NCAPD3: variants seen among roughly 807,000 people sequenced by gnomAD.
NCAPD3 encodes condensin-2 complex subunit D3.
Under a neutral mutation model 182.9 loss-of-function variants are expected in NCAPD3, and 105 were observed. The observed-to-expected ratio is 0.57, with a 90% CI of 0.49 to 0.68. NCAPD3 has a LOEUF of 0.68. Ranked by LOEUF, NCAPD3 falls within the 30% of genes least tolerant of loss-of-function variation. The pLI is 0.00. For missense variants in NCAPD3, 1,944 were observed against 1,837.0 expected (o/e 1.06, Z -1.07); for synonymous variants, 815 against 679.9 (o/e 1.20, Z -3.09).
chr11:134,195,309 G>T (rs541204724), intron 13 of NCAPD3, among the ~76,000 whole-genome samples: 1 of 152,044 alleles, frequency 6.6e-6, no homozygotes, highest in Non-Finnish European at 1.5e-5. Flanking sequence ...GTGTTGCTCA[G>T]GCTGGTCTCG....
chr11:134,188,017 T>C (rs1445801626), intron 16 of NCAPD3, among the ~76,000 whole-genome samples: 1 of 152,208 alleles, frequency 6.6e-6, no homozygotes, highest in East Asian at 1.9e-4. Flanking sequence ...GGGTCGGCCC[T>C]AACCCAAGCT....
chr11:134,171,978 G>A (rs11223719), intron 24 of NCAPD3, among the ~76,000 whole-genome samples: 3,351 of 152,222 alleles, frequency 0.022, 63 homozygotes, highest in Non-Finnish European at 0.031. Flanking sequence ...TCCTTTTCTA[G>A]GGATGCGGAA....
intron 25 of NCAPD3, 104 bp downstream of exon 25, chr11:134,168,813 G>T: frequency 6.9e-7 from 1 of 1,455,932 alleles, no homozygotes. Flanking sequence ...AAAGACCTGG[G>T]GCAGGGTCTG....
intron 24 of NCAPD3, among the ~76,000 whole-genome samples, chr11:134,175,078 A>G (rs1944127159): frequency 6.6e-6 from 1 of 152,232 alleles, no homozygotes; most frequent in African/African-American, 2.4e-5. Flanking sequence ...TACACGGTAA[A>G]GTATATCTAT....
rs1302772459 is a variant in NCAPD3, at chr11:134,181,202, T to A, written c.2452-18A>T. The A allele has an allele frequency of 1.9e-6, 3 of 1,584,108 alleles. No homozygotes were observed. Among genetic ancestry groups the A allele is most frequent in the Middle Eastern group, 1.7e-4 (1 of 6,028 alleles). On this transcript the variant is annotated intron_variant, in intron 19 of 34. Coordinates refer to ENST00000534548, the MANE Select transcript of NCAPD3 (RefSeq NM_015261.3). ...AGCAATTCCTACGGCAAGTCAAAAG[T>A]CATCTCTGAAGGGCCCCGCACATCT...
At chr11:134,160,210 TAAG>T (rs1943539371) in intron 28 of NCAPD3, 136 bp from the exon 29 acceptor site, 5 of 858,336 alleles carry the variant, frequency 5.8e-6, no homozygotes, top group Non-Finnish European at 8.7e-6. Flanking sequence ...AAATAAAAGT[TAAG>T]AAAGAAAAAA....
intron 4 of NCAPD3, 193 bp from the exon 5 acceptor site, chr11:134,209,670 C>A (rs1442522236): frequency 1.8e-6 from 1 of 553,576 alleles, no homozygotes; most frequent in South Asian, 2.5e-5. Flanking sequence ...ACTAGATGAC[C>A]GCTACAGTAG....
chr11:134,178,144 G>A (rs1273935021), intron 22 of NCAPD3: 1 of 152,358 alleles, frequency 6.6e-6, no homozygotes, highest in African/African-American at 2.4e-5. Flanking sequence ...AGTTCATGGA[G>A]AAATATGTAA....
chr11:134,201,102 G>T (rs1308862829), intron 13 of NCAPD3, among the ~76,000 whole-genome samples: 1 of 149,046 alleles, frequency 6.7e-6, no homozygotes, highest in Non-Finnish European at 1.5e-5. Context: ...TCGGCTCACT[G>T]CAACCTCCAC....
At position 134,204,056 on chromosome 11, in the gene NCAPD3, C is replaced by T. The variant is rs200381354; in HGVS notation, c.1205G>A (p.Arg402Gln). The T allele has an allele frequency of 1.5e-5, 25 of 1,614,096 alleles. No homozygotes were observed. The highest frequency in any genetic ancestry group is 1.7e-4 in the Middle Eastern group (1 of 6,060). The change falls in exon 10 of 35, where the codon CGA (arginine) becomes CAA (glutamine). Residue 402 changes from arginine to glutamine, a missense_variant. Physicochemically the swap from Arg to Gln is conservative, Grantham distance 43. This residue lies in a region of NCAPD3 where 1,803 missense variants were observed against 1,674.6 expected (regional missense o/e 1.08). Transcript: ENST00000534548. The surrounding 1 kb of genome is among the most constrained non-coding windows in gnomAD (Gnocchi z 4.3). ...AGAGCTATCTCCTACCTTGGAACTT[C>T]GGGAGTATTTGTAAAGCCAGGCAAT... ...MFIAWLYKYS[R>Q]SSKIPHRVFT...
At chr11:134,203,974 G>C (rs756245264) in intron 10 of NCAPD3, 68 bp from the exon 11 acceptor site, 3 of 1,601,040 alleles carry the variant, frequency 1.9e-6, no homozygotes, top group Non-Finnish European at 2.6e-6. Flanking sequence ...TCCTCATTCA[G>C]ACCTAGAAAA....
chr11:134,200,360 A>T (rs981373239), intron 13 of NCAPD3, among the ~76,000 whole-genome samples: 7 of 152,188 alleles, frequency 4.6e-5, no homozygotes, highest in Non-Finnish European at 7.3e-5. Flanking sequence ...TATATATATA[A>T]AAATAACTCT....
Position 134,203,178 on chromosome 11 carries a change from C to A in NCAPD3, c.1489G>T (p.Glu497Ter). Residue 497 changes from glutamate (E) to a stop codon, truncating the protein, a stop_gained, in exon 12 of 35, where the codon GAG becomes TAG. Transcript: ENST00000534548. LOFTEE classifies it high-confidence loss of function. ...CTCAGTAAGGTACCAGGGTGACTCT[C>A]TATTACAGAAAACGTAGGACCTAAA... ...LINSPTFSVI[E>*]SHPGTLLRNS... 6.3e-7 allele frequency: 1 copy of A among 1,598,648 alleles called. No individual in the cohort carries two copies. The highest frequency in any genetic ancestry group is 8.6e-7 in the Non-Finnish European group (1 of 1,166,090).
intron 3 of NCAPD3, among the ~76,000 whole-genome samples, chr11:134,211,484 C>A (rs2136022029): frequency 6.6e-6 from 1 of 151,542 alleles, no homozygotes; most frequent in Admixed American, 6.6e-5. Flanking sequence ...CCTGTCTTTA[C>A]AAAAAATACA....
intron 3 of NCAPD3, among the ~76,000 whole-genome samples, chr11:134,213,074 TC>T (rs1937895480): frequency 6.6e-6 from 1 of 152,122 alleles, no homozygotes; most frequent in South Asian, 2.1e-4. Flanking sequence ...ATGCTTACAA[TC>T]CCAGCCCTTT....
chr11:134,179,005 C>T (rs1272269094), intron 20 of NCAPD3, 69 bp from the exon 21 acceptor site: 6 of 1,018,352 alleles, frequency 5.9e-6, no homozygotes, highest in Non-Finnish European at 4.5e-6. Flanking sequence ...AGATTAAGGA[C>T]ATGTCAATGG....
At chr11:134,167,525 T>A (rs1395453737) in intron 27 of NCAPD3, among the ~76,000 whole-genome samples, 13 of 90,930 alleles carry the variant, frequency 1.4e-4, no homozygotes, top group East Asian at 3.7e-4. Context: ...TCAGGGGAGC[T>A]GCACACTCAC....
At position 134,204,134 on chromosome 11, in the gene NCAPD3, TG is replaced by T; in HGVS notation, c.1126del (p.Gln376SerfsTer3). 3 of 1,614,092 alleles carry T rather than the reference TG, an allele frequency of 1.9e-6. No individual in the cohort carries two copies. The highest frequency in any genetic ancestry group is 2.5e-6 in the Non-Finnish European group (3 of 1,180,022). On this transcript the variant is annotated frameshift_variant, in exon 10 of 35. Coordinates refer to ENST00000534548, the MANE Select transcript of NCAPD3 (RefSeq NM_015261.3). LOFTEE classifies it high-confidence loss of function. This position sits in a 1 kb window ranked among gnomAD's most constrained non-coding sequence, Gnocchi z 4.3. ...TTTACTGAGCAGCTGGACTAGGGAC[TG>T]GGCTGCAAAAGTACGATACTCTGAT... ...DKSEYRTFAA[Q>X]SLVQLLSKLP...
chr11:134,158,583 C>A, intron 29 of NCAPD3, 88 bp from the exon 30 acceptor site: 1 of 1,394,414 alleles, frequency 7.2e-7, no homozygotes, highest in Non-Finnish European at 9.8e-7. Flanking sequence ...GGTTGGGGGT[C>A]CATATGAGAT....
Sources: gnomAD v4.1 joint callset for allele counts (sites outside exome capture counted in the v4.1 genomes callset) on GRCh38, gnomAD v4.1.1 for gene constraint, gnomAD v4.1.1 regional missense constraint, Gnocchi (gnomAD v3.1) non-coding constraint, MANE v1.5 for transcripts, NCBI Gene and HGNC (gene_info 2026-07-23, HGNC 2026-07-21) for gene names.